Variants in ERBB4 observed in about 807,000 individuals in gnomAD.
ERBB4 encodes the protein erb-b2 receptor tyrosine kinase 4, also known as receptor tyrosine-protein kinase erbB-4.
A neutral mutation model predicts 158.0 loss-of-function variants in ERBB4; 42 were observed. The observed-to-expected ratio is 0.27, with a 90% CI of 0.21 to 0.34. The LOEUF (loss-of-function observed/expected upper bound fraction) is 0.34, where lower values mean the gene tolerates loss of function less well. Ranked by LOEUF, ERBB4 falls within the 10% of genes least tolerant of loss-of-function variation. The pLI, the probability that ERBB4 is intolerant of heterozygous loss-of-function variation, is 1.00. For synonymous variants in ERBB4, 583 were observed against 558.7 expected, an observed-to-expected ratio of 1.04 and a Z score of -0.61; for missense variants, 1,333 against 1,624.1, an observed-to-expected ratio of 0.82 and a Z score of 3.08.
chr2:211,436,290 T>C (rs914100602), intron 20 of ERBB4, among the ~76,000 whole-genome samples: 1 of 152,240 alleles, frequency 6.6e-6, no homozygotes, highest in African/African-American at 2.4e-5. Flanking sequence ...GGAATTTGAA[T>C]TGTGCAAACT....
intron 19 of ERBB4, among the ~76,000 whole-genome samples, chr2:211,593,483 T>C (rs1211770758): frequency 6.6e-6 from 1 of 152,136 alleles, no homozygotes; most frequent in Non-Finnish European, 1.5e-5. Context: ...AACAATGAGC[T>C]CAAGTTGTAT....
intron 3 of ERBB4, among the ~76,000 whole-genome samples, chr2:211,944,604 A>C (rs754502423): frequency 7.9e-5 from 12 of 152,128 alleles, no homozygotes; most frequent in Non-Finnish European, 1.5e-4. Flanking sequence ...TTCTCTCTGC[A>C]AGATGACAGA....
chr2:212,175,425 G>A (rs945440817), intron 1 of ERBB4, among the ~76,000 whole-genome samples: 1 of 151,794 alleles, frequency 6.6e-6, no homozygotes, highest in African/African-American at 2.4e-5. Context: ...TGTGATGTGA[G>A]GGTAGTCATG....
chr2:211,825,371 C>T (rs1183448381), intron 3 of ERBB4, among the ~76,000 whole-genome samples: 4 of 151,732 alleles, frequency 2.6e-5, no homozygotes, highest in Non-Finnish European at 5.9e-5. Flanking sequence ...TGAACAGGCT[C>T]ATTGAAAAGA....
intron 20 of ERBB4, among the ~76,000 whole-genome samples, chr2:211,466,332 G>GTTT (rs1158162850): frequency 5.1e-5 from 6 of 118,576 alleles, no homozygotes; most frequent in African/African-American, 1.8e-4. Context: ...TTTTTGTGTA[G>GTTT]TTTTTTTTTT....
intron 16 of ERBB4, among the ~76,000 whole-genome samples, chr2:211,635,882 G>C (rs1005086757): frequency 6.6e-6 from 1 of 151,800 alleles, no homozygotes; most frequent in East Asian, 1.9e-4. Context: ...TTTGAATACA[G>C]AATAATTTTC....
chr2:211,643,383 A>C (rs1262132690), intron 16 of ERBB4, among the ~76,000 whole-genome samples: 1 of 152,052 alleles, frequency 6.6e-6, no homozygotes, highest in South Asian at 2.1e-4. Flanking sequence ...TTACTGATCC[A>C]TGAAACCCAT....
chr2:211,970,416 TA>T (rs1000669803), intron 2 of ERBB4, among the ~76,000 whole-genome samples: 3 of 152,192 alleles, frequency 2.0e-5, no homozygotes, highest in Admixed American at 2.0e-4. Flanking sequence ...AATTAAGTGC[TA>T]AGTTCAGGTC....
chr2:212,420,167 G>A (rs188150367), intron 1 of ERBB4, among the ~76,000 whole-genome samples: 6 of 152,030 alleles, frequency 3.9e-5, no homozygotes, highest in Admixed American at 3.9e-4. Flanking sequence ...TTTCAGCAAT[G>A]TTATATACAA....
intron 19 of ERBB4, among the ~76,000 whole-genome samples, chr2:211,597,249 G>A (rs1331767391): frequency 6.6e-6 from 1 of 152,042 alleles, no homozygotes. Context: ...AGGGGATGAG[G>A]CATATCTAAT....
At chr2:212,268,750 T>A (rs1300857480) in intron 1 of ERBB4, among the ~76,000 whole-genome samples, 1 of 151,872 alleles carries the variant, frequency 6.6e-6, no homozygotes, top group African/African-American at 2.4e-5. Flanking sequence ...AAAAAACAGC[T>A]GGTGAGCCAG....
chr2:212,352,972 C>T (rs552515618), intron 1 of ERBB4, among the ~76,000 whole-genome samples: 22 of 151,992 alleles, frequency 1.4e-4, no homozygotes, highest in East Asian at 1.2e-3. Flanking sequence ...TCTAAACCAA[C>T]GAAAATGAAA....
chr2:212,270,693 A>G (rs2085309634), intron 1 of ERBB4, among the ~76,000 whole-genome samples: 1 of 151,740 alleles, frequency 6.6e-6, no homozygotes, highest in Non-Finnish European at 1.5e-5. Context: ...ACCATGTAAC[A>G]AGTCTGATTT....
chr2:212,053,507 C>A (rs971585985), intron 2 of ERBB4, among the ~76,000 whole-genome samples: 9 of 152,234 alleles, frequency 5.9e-5, no homozygotes, highest in Non-Finnish European at 8.8e-5. Flanking sequence ...CTGCCTCTAG[C>A]CTTGCTCCTC....
At chr2:211,495,804 T>G (rs1367319496) in intron 20 of ERBB4, among the ~76,000 whole-genome samples, 1 of 152,020 alleles carries the variant, frequency 6.6e-6, no homozygotes, top group Admixed American at 6.5e-5. Flanking sequence ...CCAGAACAGA[T>G]TTTAATTAAT....
chr2:211,973,896 A>G (rs2081530713), intron 2 of ERBB4, among the ~76,000 whole-genome samples: 1 of 152,218 alleles, frequency 6.6e-6, no homozygotes, highest in Non-Finnish European at 1.5e-5. Context: ...GAAACTATAT[A>G]GCCATAAAAA....
chr2:211,901,594 A>T (rs963602103), intron 3 of ERBB4, among the ~76,000 whole-genome samples: 2 of 152,110 alleles, frequency 1.3e-5, no homozygotes, highest in African/African-American at 4.8e-5. Flanking sequence ...CCACTTGCAC[A>T]TGTTTATCCC....
At chr2:211,795,580 CA>C (rs11313228) in intron 3 of ERBB4, among the ~76,000 whole-genome samples, 19,629 of 151,682 alleles carry the variant, frequency 0.13, 1,419 homozygotes, top group Middle Eastern at 0.16. Flanking sequence ...TAAAAATCCA[CA>C]ATCATCAGGG....
At chr2:211,798,630 A>C (rs2076433236) in intron 3 of ERBB4, among the ~76,000 whole-genome samples, 1 of 152,108 alleles carries the variant, frequency 6.6e-6, no homozygotes, top group Non-Finnish European at 1.5e-5. Flanking sequence ...GCTTTGTCTA[A>C]ACTATTTTAA....
Sources: allele counts gnomAD v4.1 joint callset (sites outside exome capture counted in the v4.1 genomes callset), GRCh38; gene constraint gnomAD v4.1.1; transcripts MANE v1.5; gene names NCBI Gene and HGNC (gene_info 2026-07-23, HGNC 2026-07-21).